Variants in NBAS observed in about 807,000 individuals in gnomAD.
The protein encoded by NBAS is NBAS subunit of NRZ tethering complex, also known as NAG/BC035112 fusion.
Under a neutral mutation model 302.5 loss-of-function variants are expected in NBAS, and 219 were observed. The ratio of observed to expected loss-of-function variants is 0.72; its 90% CI spans 0.65 to 0.81. NBAS has a LOEUF of 0.81. NBAS is among the 30% of genes least tolerant of loss of function. NBAS has a pLI of 0.00. For synonymous variants in NBAS, 1,118 were observed against 1,021.6 expected (o/e 1.09, Z -1.80); for missense variants, 2,932 against 2,841.6 (o/e 1.03, Z -0.72).
At chr2:15,397,344 T>G in intron 26 of NBAS, 1 of 235,980 alleles carries the variant, frequency 4.2e-6, no homozygotes. Context: ...ATCTTATGGT[T>G]TTATTTATTT....
chr2:15,308,291 T>G lies in NBAS; in HGVS notation c.4722A>C (p.Ala1574=). 6.2e-7 allele frequency: 1 copy of G among 1,614,186 alleles called. No homozygotes were observed. The change falls in exon 40 of 52, where the codon GCA becomes GCC. Residue 1574 remains alanine, a synonymous_variant. Transcript: ENST00000281513. ...QSPSALSLQL[A]AYYYSLQIYA... is the part of the protein sequence containing the mutation. ...AGATCTGGAGGCTATAGTAATACGC[T>G]GCCAGCTGGAGAGATAATGCAGAGG...
At chr2:15,479,478 C>CT (rs1680334195) in intron 12 of NBAS, among the ~76,000 whole-genome samples, 1 of 152,118 alleles carries the variant, frequency 6.6e-6, no homozygotes, top group Non-Finnish European at 1.5e-5. Flanking sequence ...GCACATGTAC[C>CT]TTCCTACTTA....
the NBAS span, among the ~76,000 whole-genome samples, chr2:14,917,655 G>A: frequency 4.6e-5 from 7 of 152,328 alleles, no homozygotes; most frequent in South Asian, 1.5e-3. Flanking sequence ...ATATAGTGGG[G>A]ACACCAGGAG....
At chr2:15,493,310 G>C (rs1189690002) in intron 11 of NBAS, among the ~76,000 whole-genome samples, 1 of 152,166 alleles carries the variant, frequency 6.6e-6, no homozygotes, top group Non-Finnish European at 1.5e-5. Flanking sequence ...CAGTGGGCAA[G>C]GGAGAGAATA....
In NBAS at chr2:15,415,528, A is replaced by C. The variant is rs1487159734; in HGVS notation, c.2937+18T>G. ...GGGAAAAAGTGCCCAGAATTTTAAG[A>C]AGTTAGTTTCTACTTACATCTGGTT... On this transcript the variant is annotated intron_variant, in intron 25 of 51. Transcript: ENST00000281513. 2 of 1,612,026 alleles carry C rather than the reference A, an allele frequency of 1.2e-6. No individual in the cohort carries two copies. Among genetic ancestry groups the C allele is most frequent in the Admixed American group, 3.3e-5 (2 of 60,030 alleles).
chr2:15,235,335 C>T (rs912112714), intron 45 of NBAS, among the ~76,000 whole-genome samples: 1 of 152,144 alleles, frequency 6.6e-6, no homozygotes, highest in African/African-American at 2.4e-5. Context: ...AAGATTAGAA[C>T]CCAAAAGTCT....
chr2:15,379,488 G>T, intron 30 of NBAS, 114 bp downstream of exon 30: 1 of 1,040,044 alleles, frequency 9.6e-7, no homozygotes. Context: ...GCCCCATATA[G>T]TGTAGTCAAT....
At chr2:14,902,361 G>A in the NBAS span, among the ~76,000 whole-genome samples, 1 of 152,116 alleles carries the variant, frequency 6.6e-6, no homozygotes, top group South Asian at 2.1e-4. Context: ...CCAACTCCTG[G>A]CCTCAAGTGA....
chr2:15,041,243 C>A, the NBAS span, among the ~76,000 whole-genome samples: 1 of 152,196 alleles, frequency 6.6e-6, no homozygotes, highest in East Asian at 1.9e-4. Context: ...ATGGGGGAGG[C>A]TCAAGGACCA....
chr2:15,530,864 G>A (rs529380696), intron 9 of NBAS, among the ~76,000 whole-genome samples: 1 of 151,838 alleles, frequency 6.6e-6, no homozygotes, highest in African/African-American at 2.4e-5. Flanking sequence ...GTCATAACAT[G>A]GTCAAATTTC....
chr2:15,475,056 G>C (rs1680131404), intron 14 of NBAS, among the ~76,000 whole-genome samples: 1 of 152,192 alleles, frequency 6.6e-6, no homozygotes, highest in African/African-American at 2.4e-5. Context: ...TTCTGAGTCT[G>C]AAAGTCTGGC....
intron 44 of NBAS, among the ~76,000 whole-genome samples, chr2:15,242,371 C>T (rs1667903061): frequency 6.6e-6 from 1 of 152,100 alleles, no homozygotes; most frequent in Non-Finnish European, 1.5e-5. Context: ...AGTTAATTTT[C>T]CTGAGCCAGC....
intron 35 of NBAS, among the ~76,000 whole-genome samples, chr2:15,341,402 G>GAATAAATAAATAAATA (rs3085584): frequency 2.7e-5 from 4 of 148,134 alleles, no homozygotes; most frequent in African/African-American, 9.9e-5. Flanking sequence ...ATAAATAAAT[G>GAATAAATAAATAAATA]AATAAATAAA....
chr2:15,090,944 C>T, the NBAS span, among the ~76,000 whole-genome samples: 5 of 152,126 alleles, frequency 3.3e-5, no homozygotes, highest in Non-Finnish European at 5.9e-5. Context: ...AGGTCCTGAA[C>T]GCCGAAAAGA....
the NBAS span, among the ~76,000 whole-genome samples, chr2:14,992,826 C>T: frequency 2.9e-4 from 44 of 152,272 alleles, no homozygotes; most frequent in Admixed American, 1.7e-3. Flanking sequence ...CGATTCTAAA[C>T]TGGTCAAAGG....
At chr2:15,517,733 C>G (rs75420154) in intron 9 of NBAS, among the ~76,000 whole-genome samples, 1 of 152,082 alleles carries the variant, frequency 6.6e-6, no homozygotes, top group African/African-American at 2.4e-5. Flanking sequence ...TCAAAACACA[C>G]AACACAATAT....
chr2:15,180,656 C>A (rs1304742217), intron 50 of NBAS, among the ~76,000 whole-genome samples: 1 of 152,230 alleles, frequency 6.6e-6, no homozygotes, highest in Non-Finnish European at 1.5e-5. Context: ...TCTGACACAA[C>A]ACACACATTC....
At chr2:15,351,853 A>C (rs1486745948) in intron 35 of NBAS, 139 bp downstream of exon 35, 10 of 717,588 alleles carry the variant, frequency 1.4e-5, no homozygotes, top group Non-Finnish European at 2.3e-5. Context: ...AAAGCTGAAA[A>C]GAAAAGTGGT....
intron 22 of NBAS, 75 bp from the exon 23 acceptor site, chr2:15,424,543 A>C (rs1677373071): frequency 6.5e-7 from 1 of 1,536,004 alleles, no homozygotes; most frequent in African/African-American, 1.4e-5. Flanking sequence ...AGAGAAAGAC[A>C]GGGACAGAGA....
Sources: gnomAD v4.1 joint callset for allele counts (sites outside exome capture counted in the v4.1 genomes callset) on GRCh38, gnomAD v4.1.1 for gene constraint, MANE v1.5 for transcripts, NCBI Gene and HGNC (gene_info 2026-07-23, HGNC 2026-07-21) for gene names.